IRF2BP2: variants seen among roughly 807,000 people sequenced by gnomAD.
IRF2BP2 encodes the protein interferon regulatory factor 2 binding protein 2.
Under a neutral mutation model 32.7 loss-of-function variants are expected in IRF2BP2, and 13 were observed. That is an observed-to-expected ratio of 0.40 (90% CI 0.26 to 0.63). The LOEUF is 0.63. IRF2BP2 is among the 30% of genes least tolerant of loss of function. IRF2BP2 has a pLI of 0.42. For synonymous variants in IRF2BP2, 555 were observed against 384.6 expected (o/e 1.44, Z -5.18); for missense variants, 980 against 830.6 (o/e 1.18, Z -2.21).
rs748364085 is a variant in IRF2BP2 at position 234,607,538 on chromosome 1, T to C, written c.1363A>G (p.Ser455Gly). 3.1e-6 allele frequency: 5 copies of C among 1,614,126 alleles called. No individual in the cohort carries two copies. The highest frequency in any genetic ancestry group is 1.1e-5 in the South Asian group (1 of 91,080). ...NQVHSTTRRN[S>G]NSPPSPSSMN... is the part of the protein sequence containing the mutation. ...GAGGACGGAGAGGGCGGACTGTTGCTATTCCTCCTGGTAGTGGAGTGAACC... is the reference window on the plus strand; with the variant it reads ...GAGGACGGAGAGGGCGGACTGTTGCCATTCCTCCTGGTAGTGGAGTGAACC... Residue 455 changes from serine to glycine, a missense_variant, in exon 2 of 2, where the codon AGC becomes GGC. Physicochemically the swap from Ser to Gly is moderately conservative, Grantham distance 56 (BLOSUM62 0). Coordinates refer to ENST00000366609, the MANE Select transcript of IRF2BP2 (RefSeq NM_182972.3).
rs1049411416 is a variant in IRF2BP2 at position 234,609,720 on chromosome 1, G to C, written c.-226C>G. On this transcript the variant is annotated 5_prime_UTR_variant, in exon 1 of 2. Coordinates refer to ENST00000366609, the MANE Select transcript of IRF2BP2 (RefSeq NM_182972.3). ...CGAGGGGCGGCGGGCGCGAGGTGAGGGGCTGCAGCCGCGGCAGCAGTTCCC... is the reference window on the plus strand; with the variant it reads ...CGAGGGGCGGCGGGCGCGAGGTGAGCGGCTGCAGCCGCGGCAGCAGTTCCC... 2.1e-5 allele frequency among the ~76,000 whole-genome samples: 3 copies of C among 143,796 alleles called. No individual in the cohort carries two copies. The highest frequency in any genetic ancestry group is 7.5e-5 in the African/African-American group (3 of 40,156). The allele number at this position is 143,796 out of a possible 152,430, so 94.3% of individuals were successfully genotyped here.
Position 234,608,662 on chromosome 1 carries a change from C to A in IRF2BP2, c.833G>T (p.Gly278Val), listed in dbSNP as rs1334209064. The A allele has an allele frequency of 2.0e-6, 3 of 1,532,038 alleles. No homozygotes were observed. Among genetic ancestry groups the A allele is most frequent in the Non-Finnish European group, 1.7e-6 (2 of 1,149,144 alleles). The allele number at this position is 1,532,038 out of a possible 1,614,324, so 94.9% of individuals were successfully genotyped here. Residue 278 changes from glycine (G) to valine (V), a missense_variant, in exon 1 of 2, where the codon GGG becomes GTG. Coordinates refer to ENST00000366609, the MANE Select transcript of IRF2BP2 (RefSeq NM_182972.3). ...GPADSLSTAA[G>V]AAELSAEGAG... Reference sequence around the variant, plus strand: ...ACCTTCCGCGCTCAGCTCGGCGGCCCCGGCCGCGGTGGACAGGCTGTCGGC... The same window carrying A: ...ACCTTCCGCGCTCAGCTCGGCGGCCACGGCCGCGGTGGACAGGCTGTCGGC...
At position 234,608,367 on chromosome 1, in the gene IRF2BP2, G is replaced by A. The variant is rs889536672; in HGVS notation, c.1048+80C>T. 6 of 1,190,046 alleles carry A rather than the reference G, an allele frequency of 5.0e-6. No homozygotes were observed. In the South Asian group the frequency reaches 6.8e-5, roughly 13 times the overall value. The allele number at this position is 1,190,046 out of a possible 1,614,324, so 73.7% of individuals were successfully genotyped here. A position where few individuals can be genotyped will look rare whatever the true frequency, so the allele number is the denominator to read the frequency against. On this transcript the variant is annotated intron_variant, in intron 1 of 1. Coordinates refer to ENST00000366609, the MANE Select transcript of IRF2BP2 (RefSeq NM_182972.3). The stretch of plus-strand genomic sequence containing the variant: ...GTTGTTTCTGGGCTGGGGTAAAATG[G>A]TGAATCCAAAGAACCACCCTTCCTC...
At position 234,605,817 on chromosome 1, in the gene IRF2BP2, T is replaced by C. The variant is rs1190349108; in HGVS notation, c.*1320A>G. The C allele has an allele frequency of 2.6e-5, 4 of 152,238 alleles. No homozygotes were observed. The highest frequency in any genetic ancestry group is 1.3e-4 in the Admixed American group (2 of 15,286). The allele number at this position is 152,238 out of a possible 1,614,324, so 9.4% of individuals were successfully genotyped here. ...AAAAAATCATTTTACTGATGCAAAA[T>C]AGTGATCAAAAGAAATTAGTTTACA... On this transcript the variant is annotated 3_prime_UTR_variant, in exon 2 of 2. Coordinates refer to ENST00000366609, the MANE Select transcript of IRF2BP2 (RefSeq NM_182972.3).
chr1:234,606,430 G>A lies in IRF2BP2; in HGVS notation c.*707C>T, dbSNP rs893884362. The A allele has an allele frequency of 6.6e-6, 1 of 151,472 alleles. No individual in the cohort carries two copies. Among genetic ancestry groups the A allele is most frequent in the Non-Finnish European group, 1.5e-5 (1 of 67,910 alleles). The allele number at this position is 151,472 out of a possible 1,614,324, so 9.4% of individuals were successfully genotyped here. On this transcript the variant is annotated 3_prime_UTR_variant, in exon 2 of 2. Coordinates refer to ENST00000366609, the MANE Select transcript of IRF2BP2 (RefSeq NM_182972.3). ...ATTGTAATCTTACAACTGATCACGT[G>A]GACAGTGAACAGCGGTCAACTTTGT...
rs1479604093 is a variant in IRF2BP2 at position 234,610,050 on chromosome 1, C to T, written c.-556G>A. Among the ~76,000 whole-genome samples the T allele has an allele frequency of 2.7e-5, 4 of 146,922 alleles. No homozygotes were observed. In the South Asian group the frequency reaches 6.2e-4, roughly 23 times the overall value. On this transcript the variant is annotated 5_prime_UTR_variant, in exon 1 of 2. Transcript: ENST00000366609. ...CTCGGGCGCGGCGCGGGCCCCGGGT[C>T]GCTCCGCCGCTCTCTCACAGCTCCT...
rs1672193485 is a variant in IRF2BP2 at position 234,607,426 on chromosome 1, C to T, written c.1475G>A (p.Ser492Asn). The part of the protein sequence containing the change: ...TGGLEPVHPA[S>N]LPDSSLATSA... The stretch of plus-strand genomic sequence containing the variant: ...GGTTGCCAGAGAGGAGTCCGGGAGG[C>T]TGGCAGGGTGCACTGGCTCCAGTCC... Residue 492 changes from serine to asparagine, a missense_variant, in exon 2 of 2, where the codon AGC (serine) becomes AAC (asparagine). Physicochemically the swap from Ser to Asn is conservative, Grantham distance 46. Transcript: ENST00000366609. 3.1e-6 allele frequency: 5 copies of T among 1,614,040 alleles called. No individual in the cohort carries two copies. The East Asian group carries it at 1.1e-4, about 36-fold the overall frequency.
In IRF2BP2 at chr1:234,609,288, A is replaced by G; in HGVS notation, c.207T>C (p.Gly69=). 1 of 1,461,818 alleles carries G rather than the reference A, an allele frequency of 6.8e-7. No homozygotes were observed. Among genetic ancestry groups the G allele is most frequent in the East Asian group, 3.0e-5 (1 of 33,084 alleles). The allele number at this position is 1,461,818 out of a possible 1,614,324, so 90.6% of individuals were successfully genotyped here. Residue 69 remains glycine, a synonymous_variant, in exon 1 of 2, where the codon GGT becomes GGC. Transcript: ENST00000366609. ...AGGCCGCGGCGCCGGGTGGGGAGCG[A>G]CCCTCCGGGAAGCAGCCGTGCGCCC... ...LKRAHGCFPE[G]RSPPGAAASA... is the part of the protein sequence containing the mutation.
rs1672188072 is a variant in IRF2BP2 at position 234,607,184 on chromosome 1, T to C, written c.1717A>G (p.Thr573Ala). 2 of 1,613,116 alleles carry C rather than the reference T, an allele frequency of 1.2e-6. No homozygotes were observed. The highest frequency in any genetic ancestry group is 2.2e-5 in the East Asian group (1 of 44,852). ...ACTTTCACATCTCCAGCAAGGATGGTTGCAATTTCCCCTTGCATAAAGGCC... is the reference window on the plus strand; with the variant it reads ...ACTTTCACATCTCCAGCAAGGATGGCTGCAATTTCCCCTTGCATAAAGGCC... ...PWAFMQGEIATILAGDVKVKK... is the reference protein window; with the variant it reads ...PWAFMQGEIAAILAGDVKVKK... The change falls in exon 2 of 2, where the codon ACC (threonine) becomes GCC (alanine). Residue 573 changes from threonine to alanine, a missense_variant. Physicochemically the swap from Thr to Ala is moderately conservative, Grantham distance 58. Coordinates refer to ENST00000366609, the MANE Select transcript of IRF2BP2 (RefSeq NM_182972.3).
At position 234,609,034 on chromosome 1, in the gene IRF2BP2, T is replaced by C; in HGVS notation, c.461A>G (p.Asn154Ser). The change falls in exon 1 of 2, where the codon AAC (asparagine) becomes AGC (serine). Residue 154 changes from asparagine to serine, a missense_variant. By Grantham distance (46) the Asn-to-Ser change is conservative. Transcript: ENST00000366609. ...GAAGCCGTTGGGCACCAGGATGCCG[T>C]TCACGGGCGGCGGCTGCGGCGTCGG... The part of the protein sequence containing the change: ...QPPTPQPPPV[N>S]GILVPNGFSK... 1 of 1,311,436 alleles carries C rather than the reference T, an allele frequency of 7.6e-7. No individual in the cohort carries two copies. The highest frequency in any genetic ancestry group is 9.7e-7 in the Non-Finnish European group (1 of 1,032,432). 81.2% of individuals were successfully genotyped at this position (1,311,436 alleles called of 1,614,324 possible).
chr1:234,608,238 G>C (rs763770656), intron 1 of IRF2BP2: 68 of 539,444 alleles, frequency 1.3e-4, no homozygotes, highest in Non-Finnish European at 1.7e-4. Context: ...GTGTCAGAGC[G>C]TATCAGCCCA....
chr1:234,608,333 G>A, intron 1 of IRF2BP2, 114 bp downstream of exon 1: 2 of 848,738 alleles, frequency 2.4e-6, no homozygotes, highest in African/African-American at 1.8e-5. Flanking sequence ...ATCAGGAAGT[G>A]GGGTGTTTGT....
At position 234,609,163 on chromosome 1, in the gene IRF2BP2, G is replaced by A. The variant is rs899996722; in HGVS notation, c.332C>T (p.Pro111Leu). 1 of 1,272,826 alleles carries A rather than the reference G, an allele frequency of 7.9e-7. No individual in the cohort carries two copies. The highest frequency in any genetic ancestry group is 9.9e-7 in the Non-Finnish European group (1 of 1,012,924). The allele number at this position is 1,272,826 out of a possible 1,614,324, so 78.8% of individuals were successfully genotyped here. Residue 111 changes from proline (P) to leucine (L), a missense_variant, in exon 1 of 2, where the codon CCG becomes CTG. Coordinates refer to ENST00000366609, the MANE Select transcript of IRF2BP2 (RefSeq NM_182972.3). ...HGGPEAAPRA[P>L]QALERYPLAA... ...CAACGGGTAGCGCTCCAAGGCCTGC[G>A]GCGCGCGCGGGGCCGCCTCGGGGCC...
intron 1 of IRF2BP2, 98 bp downstream of exon 1, chr1:234,608,349 C>G (rs1001220608): frequency 4.5e-5 from 47 of 1,046,082 alleles, no homozygotes; most frequent in Non-Finnish European, 6.2e-5. Flanking sequence ...TTTGTTGTTT[C>G]TGGGCTGGGG....
rs1287975562 is a variant in IRF2BP2, at chr1:234,606,780, TTC to T, written c.*355_*356del. The T allele has an allele frequency of 2.5e-5, 4 of 162,544 alleles. No homozygotes were observed. In the South Asian group the frequency reaches 5.2e-4, roughly 21 times the overall value. 10.1% of individuals were successfully genotyped at this position (162,544 alleles called of 1,614,324 possible). A position where few individuals can be genotyped will look rare whatever the true frequency, so the allele number is the denominator to read the frequency against. On this transcript the variant is annotated 3_prime_UTR_variant, in exon 2 of 2. Coordinates refer to ENST00000366609, the MANE Select transcript of IRF2BP2 (RefSeq NM_182972.3). ...TCAGAAAATGTATTTGGCTTTTTTTTTCTTTTTAAAATAAGTGCATACAAATA... is the reference window on the plus strand; with the variant it reads ...TCAGAAAATGTATTTGGCTTTTTTTTTTTTTAAAATAAGTGCATACAAATA...
rs1672168866 is a variant in IRF2BP2 at position 234,606,647 on chromosome 1, GACA to G, written c.*487_*489del. On this transcript the variant is annotated 3_prime_UTR_variant, in exon 2 of 2. Coordinates refer to ENST00000366609, the MANE Select transcript of IRF2BP2 (RefSeq NM_182972.3). ...GTATTTCCCAGTGGCATGCCCACTT[GACA>G]ACATGCCCGTTCGATCATTTCCTTT... 1 of 154,002 alleles carries G rather than the reference GACA, an allele frequency of 6.5e-6. No homozygotes were observed. Among genetic ancestry groups the G allele is most frequent in the Admixed American group, 6.4e-5 (1 of 15,580 alleles). The allele number at this position is 154,002 out of a possible 1,614,324, so 9.5% of individuals were successfully genotyped here. A position where few individuals can be genotyped will look rare whatever the true frequency, so the allele number is the denominator to read the frequency against.
In IRF2BP2 at chr1:234,607,037, C is replaced by T. The variant is rs1156699925; in HGVS notation, c.*100G>A. ...TATACAGCCATGTTTATGAAGTCTA[C>T]ATTTCCCTTGTCTTGGATATATATA... is the stretch of plus-strand genomic sequence containing the variant. On this transcript the variant is annotated 3_prime_UTR_variant, in exon 2 of 2. Coordinates refer to ENST00000366609, the MANE Select transcript of IRF2BP2 (RefSeq NM_182972.3). 2.2e-5 allele frequency: 19 copies of T among 876,808 alleles called. No individual in the cohort carries two copies. Among genetic ancestry groups the T allele is most frequent in the Non-Finnish European group, 3.4e-5 (19 of 564,598 alleles). The allele number at this position is 876,808 out of a possible 1,614,324, so 54.3% of individuals were successfully genotyped here. A position where few individuals can be genotyped will look rare whatever the true frequency, so the allele number is the denominator to read the frequency against.
chr1:234,606,983 A>G lies in IRF2BP2; in HGVS notation c.*154T>C. The G allele has an allele frequency of 1.6e-6, 1 of 612,746 alleles. No homozygotes were observed. The highest frequency in any genetic ancestry group is 2.8e-5 in the East Asian group (1 of 35,990). The allele number at this position is 612,746 out of a possible 1,614,324, so 38.0% of individuals were successfully genotyped here. On this transcript the variant is annotated 3_prime_UTR_variant, in exon 2 of 2. Coordinates refer to ENST00000366609, the MANE Select transcript of IRF2BP2 (RefSeq NM_182972.3). ...CTTTTGTCGTCAAAAAAAATATAGA[A>G]ACACAATGTATTCAAAAAAAATCAA...
chr1:234,607,166 C>T lies in IRF2BP2; in HGVS notation c.1735G>A (p.Val579Met). 1 of 1,608,234 alleles carries T rather than the reference C, an allele frequency of 6.2e-7. No homozygotes were observed. The highest frequency in any genetic ancestry group is 8.5e-7 in the Non-Finnish European group (1 of 1,176,074). Reference sequence around the variant, plus strand: ...GAGTCTCTCTCTTTTTTCACTTTCACATCTCCAGCAAGGATGGTTGCAATT... The same window carrying T: ...GAGTCTCTCTCTTTTTTCACTTTCATATCTCCAGCAAGGATGGTTGCAATT... ...GEIATILAGD[V>M]KVKKERDS Residue 579 changes from valine to methionine, a missense_variant, in exon 2 of 2, where the codon GTG becomes ATG. Physicochemically the swap from Val to Met is conservative, Grantham distance 21. Coordinates refer to ENST00000366609, the MANE Select transcript of IRF2BP2 (RefSeq NM_182972.3).
Sources: gnomAD v4.1 joint callset for allele counts (sites outside exome capture counted in the v4.1 genomes callset) on GRCh38, gnomAD v4.1.1 for gene constraint, MANE v1.5 for transcripts, NCBI Gene and HGNC (gene_info 2026-07-23, HGNC 2026-07-21) for gene names.